The following ZMYM2 variants were observed in gnomAD, a reference collection of about 807,000 sequenced individuals.
The protein encoded by ZMYM2 is zinc finger MYM-type containing 2.
In ZMYM2, 56 loss-of-function variants were observed where a neutral mutation model predicts 162.8. That is an observed-to-expected ratio of 0.34 (90% CI 0.28 to 0.43). The LOEUF is 0.43. Among genes scored for constraint, ZMYM2 ranks in the 20% least tolerant of loss-of-function variants. The pLI, the probability that ZMYM2 is intolerant of heterozygous loss-of-function variation, is 1.00. For synonymous variants in ZMYM2, 510 were observed against 541.6 expected (o/e 0.94, Z 0.81); for missense variants, 1,275 against 1,621.8 (o/e 0.79, Z 3.67).
chr13:19,992,241 T>G (rs1949684276), intron 2 of ZMYM2, among the ~76,000 whole-genome samples: 1 of 152,008 alleles, frequency 6.6e-6, no homozygotes, highest in African/African-American at 2.4e-5. Context: ...CCAGAGAATA[T>G]GAGAAAAGTG....
At chr13:19,998,738 C>G (rs902433234) in intron 3 of ZMYM2, among the ~76,000 whole-genome samples, 1 of 152,012 alleles carries the variant, frequency 6.6e-6, no homozygotes, top group Non-Finnish European at 1.5e-5. Flanking sequence ...TCTGAATAGC[C>G]CCTCGAAACC....
intron 3 of ZMYM2, among the ~76,000 whole-genome samples, chr13:19,999,843 T>TCTCACACAGCA (rs1350135846): frequency 6.6e-6 from 1 of 152,154 alleles, no homozygotes; most frequent in African/African-American, 2.4e-5. Context: ...TCTTACCCAG[T>TCTCACACAGCA]CTGGAGTGCA....
At chr13:20,001,387 C>A (rs1439697809) in intron 3 of ZMYM2, among the ~76,000 whole-genome samples, 8 of 116,904 alleles carry the variant, frequency 6.8e-5, no homozygotes, top group African/African-American at 2.0e-4. Context: ...GAGAGACTGT[C>A]TCAAAAGAAA....
intron 13 of ZMYM2, 146 bp downstream of exon 13, chr13:20,051,744 C>A: frequency 4.1e-6 from 3 of 739,900 alleles, no homozygotes; most frequent in Non-Finnish European, 4.1e-6. Flanking sequence ...GTCGAAGTAC[C>A]CTTGTATGTT....
chr13:19,985,062 A>G (rs899639142), intron 2 of ZMYM2, among the ~76,000 whole-genome samples: 2 of 152,206 alleles, frequency 1.3e-5, no homozygotes, highest in Admixed American at 1.3e-4. Context: ...TGTGAAAATC[A>G]TTATGTTGAT....
intron 6 of ZMYM2, among the ~76,000 whole-genome samples, chr13:20,007,102 G>A (rs140610089): frequency 1.3e-5 from 2 of 152,018 alleles, no homozygotes; most frequent in African/African-American, 2.4e-5. Context: ...TGAAGTGGTC[G>A]TATTGTTTAT....
chr13:19,880,871 A>G, the ZMYM2 span, among the ~76,000 whole-genome samples: 1 of 151,370 alleles, frequency 6.6e-6, no homozygotes, highest in Non-Finnish European at 1.5e-5. Flanking sequence ...GGAATCTTAA[A>G]GTTTTTTTGT....
upstream of ZMYM2, among the ~76,000 whole-genome samples, chr13:19,955,607 G>T (rs1954488616): frequency 6.6e-6 from 1 of 152,076 alleles, no homozygotes; most frequent in Non-Finnish European, 1.5e-5. Flanking sequence ...TTTCACAGAA[G>T]TTACTTGGTC....
intron 2 of ZMYM2, among the ~76,000 whole-genome samples, chr13:19,983,199 C>T (rs1957505306): frequency 6.7e-6 from 1 of 149,006 alleles, no homozygotes; most frequent in Admixed American, 6.7e-5. Flanking sequence ...GGTTGGAGTA[C>T]AGTGGCACAA....
At chr13:20,003,226 GA>G in intron 4 of ZMYM2, 91 bp downstream of exon 4, 1 of 1,421,718 alleles carries the variant, frequency 7.0e-7, no homozygotes, top group Non-Finnish European at 9.4e-7. Flanking sequence ...AATACCTTTG[GA>G]AACTTCCCTA....
intron 2 of ZMYM2, among the ~76,000 whole-genome samples, chr13:19,967,518 G>C (rs1955895446): frequency 6.6e-6 from 1 of 152,132 alleles, no homozygotes. Context: ...ACTGGATTGT[G>C]GTGATTGTTG....
intron 4 of ZMYM2, 99 bp downstream of exon 4, chr13:20,003,234 C>G: frequency 2.2e-6 from 3 of 1,371,562 alleles, no homozygotes; most frequent in Non-Finnish European, 2.9e-6. Context: ...TGGAAACTTC[C>G]CTATCAAGTC....
the ZMYM2 span, among the ~76,000 whole-genome samples, chr13:19,883,595 A>C: frequency 6.6e-6 from 1 of 151,188 alleles, no homozygotes; most frequent in East Asian, 1.9e-4. Flanking sequence ...GGCTATGTTT[A>C]TTTAGTTTGG....
chr13:19,915,271 A>T, the ZMYM2 span, among the ~76,000 whole-genome samples: 2 of 151,556 alleles, frequency 1.3e-5, no homozygotes, highest in South Asian at 4.2e-4. Flanking sequence ...TTTTAAAAAA[A>T]TTTTAAAAGA....
intron 2 of ZMYM2, among the ~76,000 whole-genome samples, chr13:19,968,577 A>G (rs549401781): frequency 6.6e-6 from 1 of 152,248 alleles, no homozygotes; most frequent in East Asian, 1.9e-4. Flanking sequence ...TCACTAGACT[A>G]ATGTTGAGAC....
At chr13:20,006,722 T>G in intron 6 of ZMYM2, 136 bp downstream of exon 6, 1 of 917,872 alleles carries the variant, frequency 1.1e-6, no homozygotes. Flanking sequence ...TGTCATATCA[T>G]GGAGCATACT....
Position 20,052,285 on chromosome 13 carries a change from T to C in ZMYM2, c.2467T>C (p.Cys823Arg), listed in dbSNP as rs1955430229. 9 of 1,567,908 alleles carry C rather than the reference T, an allele frequency of 5.7e-6. No individual in the cohort carries two copies. Among genetic ancestry groups the C allele is most frequent in the East Asian group, 2.3e-5 (1 of 43,152 alleles). ...GPENLHYDQG[C>R]QTSRTKMTGS... ...TTTTTTGTGTTTTTTAGATCAGGGT[T>C]GTCAGACATCTCGAACCAAAATGAC... The change falls in exon 14 of 25, where the codon TGT (cysteine) becomes CGT (arginine). Residue 823 changes from cysteine (C) to arginine (R), a missense_variant. By Grantham distance (180) the Cys-to-Arg change is radical. This residue lies in a region of ZMYM2 where 177 missense variants were observed against 228.0 expected (regional missense o/e 0.78). Coordinates refer to ENST00000610343, the MANE Select transcript of ZMYM2 (RefSeq NM_197968.4).
chr13:20,022,623 A>G (rs1952218612), intron 7 of ZMYM2, among the ~76,000 whole-genome samples: 1 of 152,262 alleles, frequency 6.6e-6, no homozygotes, highest in South Asian at 2.1e-4. Context: ...AAACAGTAAT[A>G]GAGAAAAGTA....
At chr13:20,025,088 C>G (rs1409005393) in intron 7 of ZMYM2, 2 of 210,222 alleles carry the variant, frequency 9.5e-6, no homozygotes, top group Non-Finnish European at 1.9e-5. Flanking sequence ...TTCTGAAACC[C>G]TGTGGTATTT....
Sources: allele counts gnomAD v4.1 joint callset (sites outside exome capture counted in the v4.1 genomes callset), GRCh38; gene constraint gnomAD v4.1.1; regional missense constraint gnomAD v4.1.1; transcripts MANE v1.5; gene names NCBI Gene and HGNC (gene_info 2026-07-23, HGNC 2026-07-21).